IFRD1: variants seen among roughly 807,000 people sequenced by gnomAD.
IFRD1 encodes interferon-related developmental regulator 1.
In IFRD1, 35 loss-of-function variants were observed where a neutral mutation model predicts 52.9. That is an observed-to-expected ratio of 0.66 (90% confidence interval 0.51 to 0.88). IFRD1 has a LOEUF of 0.88. IFRD1 is among the 40% of genes least tolerant of loss of function. The probability of loss-of-function intolerance (pLI) is 0.00; values close to 1 mark genes in which losing one functional copy is unlikely to be tolerated. For synonymous variants in IFRD1, 184 were observed against 188.4 expected (o/e 0.98, Z 0.19); for missense variants, 517 against 550.8 (o/e 0.94, Z 0.61).
chr7:112,432,288 T>C (rs1584464460), intron 1 of IFRD1, among the ~76,000 whole-genome samples: 1 of 152,370 alleles, frequency 6.6e-6, no homozygotes, highest in East Asian at 1.9e-4. Flanking sequence ...TTTTCATTCA[T>C]TTATTGGTTC....
At chr7:112,452,028 A>T in intron 1 of IFRD1, 2 of 980,674 alleles carry the variant, frequency 2.0e-6, no homozygotes, top group South Asian at 4.7e-5. Flanking sequence ...TAAAACAGCA[A>T]TTTTTTACAT....
intron 8 of IFRD1, among the ~76,000 whole-genome samples, chr7:112,464,572 A>G (rs1263315743): frequency 2.0e-5 from 3 of 152,230 alleles, no homozygotes; most frequent in Admixed American, 6.5e-5. Flanking sequence ...GTTTTTGAGA[A>G]CACATGATAG....
chr7:112,461,338 A>G (rs1179116290), intron 5 of IFRD1: 3 of 152,356 alleles, frequency 2.0e-5, no homozygotes, highest in African/African-American at 7.2e-5. Flanking sequence ...TGGAATTGTA[A>G]TGTGTTTTAA....
At chr7:112,471,235 T>G (rs1387594691) in intron 9 of IFRD1, among the ~76,000 whole-genome samples, 3 of 152,178 alleles carry the variant, frequency 2.0e-5, no homozygotes, top group Non-Finnish European at 2.9e-5. Context: ...ATAACCCTCA[T>G]GCAGTATAGG....
intron 11 of IFRD1, among the ~76,000 whole-genome samples, 168 bp downstream of exon 11, chr7:112,473,029 C>CGTGTGTGTGTGTGT (rs74273594): frequency 6.9e-5 from 8 of 115,150 alleles, no homozygotes; most frequent in African/African-American, 2.5e-4. Context: ...GTGTGGGGGG[C>CGTGTGTGTGTGTGT]GTGTGTGTGT....
chr7:112,457,114 A>G (rs1795314116), intron 4 of IFRD1, 76 bp downstream of exon 4: 1 of 1,452,694 alleles, frequency 6.9e-7, no homozygotes, highest in African/African-American at 1.4e-5. Context: ...AACATTTAGT[A>G]ATAGCACTGG....
chr7:112,464,316 G>A (rs1026942058), intron 8 of IFRD1, among the ~76,000 whole-genome samples: 1 of 152,046 alleles, frequency 6.6e-6, no homozygotes. Flanking sequence ...TTTAATGAAT[G>A]AGTTGGTTAA....
At chr7:112,470,385 G>A (rs1795717407) in intron 9 of IFRD1, among the ~76,000 whole-genome samples, 1 of 152,160 alleles carries the variant, frequency 6.6e-6, no homozygotes, top group African/African-American at 2.4e-5. Flanking sequence ...CTTTATAAGA[G>A]CAGCTTCAGT....
chr7:112,463,465 A>G (rs1303178105), intron 8 of IFRD1, among the ~76,000 whole-genome samples: 1 of 152,102 alleles, frequency 6.6e-6, no homozygotes, highest in Non-Finnish European at 1.5e-5. Flanking sequence ...TTTTATGTGT[A>G]AAGTGGCTCT....
chr7:112,459,137 C>A (rs1386843946), intron 5 of IFRD1, 119 bp downstream of exon 5: 2 of 875,600 alleles, frequency 2.3e-6, no homozygotes, highest in Non-Finnish European at 3.7e-6. Context: ...TCTTGTAAGT[C>A]CAGGAGTTTG....
intron 1 of IFRD1, among the ~76,000 whole-genome samples, chr7:112,429,140 G>A (rs1332900558): frequency 6.6e-6 from 1 of 152,186 alleles, no homozygotes; most frequent in Non-Finnish European, 1.5e-5. Context: ...TTACTCCGTT[G>A]TACTTTCTTG....
chr7:112,424,931 A>G (rs910684884), intron 1 of IFRD1, among the ~76,000 whole-genome samples: 23 of 152,168 alleles, frequency 1.5e-4, no homozygotes, highest in African/African-American at 5.5e-4. Flanking sequence ...GATGTGGTCA[A>G]TTCTGGAGAA....
chr7:112,474,397 C>T (rs1428111535), intron 11 of IFRD1, among the ~76,000 whole-genome samples: 1 of 152,200 alleles, frequency 6.6e-6, no homozygotes, highest in Non-Finnish European at 1.5e-5. Flanking sequence ...TCCAGTTTCT[C>T]CACATCCTCA....
chr7:112,445,285 C>A (rs796544697), intron 1 of IFRD1, among the ~76,000 whole-genome samples: 29 of 151,972 alleles, frequency 1.9e-4, no homozygotes, highest in South Asian at 6.2e-4. Context: ...CCAGGATGGT[C>A]TCGATCTCCT....
chr7:112,441,446 A>T (rs1794888331), intron 1 of IFRD1, among the ~76,000 whole-genome samples: 1 of 151,424 alleles, frequency 6.6e-6, no homozygotes, highest in African/African-American at 2.4e-5. Flanking sequence ...CTCAGAAAAA[A>T]AAAAAAAGTT....
intron 1 of IFRD1, among the ~76,000 whole-genome samples, chr7:112,444,568 T>TA (rs1794974227): frequency 6.6e-6 from 1 of 152,154 alleles, no homozygotes; most frequent in African/African-American, 2.4e-5. Flanking sequence ...TATTTAATAA[T>TA]AAAGTTCTGC....
intron 4 of IFRD1, chr7:112,457,848 C>T (rs1795334313): frequency 6.6e-6 from 1 of 152,106 alleles, no homozygotes; most frequent in Non-Finnish European, 1.5e-5. Flanking sequence ...TGTAGAAATG[C>T]ACTTTTAAAA....
intron 1 of IFRD1, among the ~76,000 whole-genome samples, chr7:112,445,140 C>T (rs890903801): frequency 6.7e-6 from 1 of 148,652 alleles, no homozygotes; most frequent in Non-Finnish European, 1.5e-5. Flanking sequence ...AATCTCGGCT[C>T]ACTGCAAGCT....
At chr7:112,455,935 A>T in intron 2 of IFRD1, 67 bp from the exon 3 acceptor site, 1 of 1,437,282 alleles carries the variant, frequency 7.0e-7, no homozygotes, top group Non-Finnish European at 9.8e-7. Context: ...TCTTGTAGCT[A>T]AAGTATACTA....
Sources: allele counts gnomAD v4.1 joint callset (sites outside exome capture counted in the v4.1 genomes callset), GRCh38; gene constraint gnomAD v4.1.1; transcripts MANE v1.5; gene names NCBI Gene and HGNC (gene_info 2026-07-23, HGNC 2026-07-21).